Variants in FAM186B observed in about 807,000 individuals in gnomAD.
FAM186B encodes family with sequence similarity 186 member B, also known as protein FAM186B.
Under a neutral mutation model 83.4 loss-of-function variants are expected in FAM186B, and 68 were observed. That is an observed-to-expected ratio of 0.81 (90% CI 0.67 to 1.00). The LOEUF (loss-of-function observed/expected upper bound fraction) is 1.00, where lower values mean the gene tolerates loss of function less well. Ranked by LOEUF, FAM186B falls within the 50% of genes least tolerant of loss-of-function variation. The pLI, the probability that FAM186B is intolerant of heterozygous loss-of-function variation, is 0.00. For missense variants in FAM186B, 983 were observed against 1,099.2 expected, an observed-to-expected ratio of 0.89 and a Z score of 1.49; for synonymous variants, 389 against 422.0, an observed-to-expected ratio of 0.92 and a Z score of 0.96.
the FAM186B span, among the ~76,000 whole-genome samples, chr12:49,618,273 A>T: frequency 6.6e-6 from 1 of 151,834 alleles, no homozygotes; most frequent in African/African-American, 2.4e-5. Context: ...TGAACCAGGG[A>T]GTTGGAGGTT....
the FAM186B span, among the ~76,000 whole-genome samples, chr12:49,620,532 G>A: frequency 6.6e-6 from 1 of 151,964 alleles, no homozygotes; most frequent in East Asian, 1.9e-4. Context: ...AAAAGTGCAT[G>A]GAATATAACT....
At chr12:49,614,079 G>A in the FAM186B span, among the ~76,000 whole-genome samples, 1 of 151,860 alleles carries the variant, frequency 6.6e-6, no homozygotes, top group Non-Finnish European at 1.5e-5. Flanking sequence ...GAACCTGGGA[G>A]GTGGAGGTTG....
At chr12:49,610,552 A>G (rs1301469900), upstream of FAM186B, among the ~76,000 whole-genome samples, 1 of 152,184 alleles carries the variant, frequency 6.6e-6, no homozygotes, top group Admixed American at 6.5e-5. Context: ...GCACTTTGGG[A>G]GGCCGAGGCG....
intron 5 of FAM186B, chr12:49,595,320 T>G: frequency 1.6e-6 from 1 of 632,384 alleles, no homozygotes; most frequent in Admixed American, 1.9e-5. Context: ...AGGGACCATA[T>G]GACATAGTAG....
intron 6 of FAM186B, among the ~76,000 whole-genome samples, chr12:49,588,153 T>C (rs966121620): frequency 2.6e-5 from 4 of 152,208 alleles, no homozygotes; most frequent in South Asian, 2.1e-4. Flanking sequence ...GCCAAATCGA[T>C]GCTCAGGGTA....
At chr12:49,621,055 A>C in the FAM186B span, among the ~76,000 whole-genome samples, 2 of 152,226 alleles carry the variant, frequency 1.3e-5, no homozygotes, top group Non-Finnish European at 2.9e-5. Context: ...AAAAGAAAAG[A>C]AAAGCATAGA....
rs200823605 is a variant in FAM186B at position 49,598,890 on chromosome 12, G to A, written c.2229C>T (p.Ala743=). The change falls in exon 5 of 7, where the codon GCC becomes GCT. Residue 743 remains alanine, a synonymous_variant. Coordinates refer to ENST00000257894, the MANE Select transcript of FAM186B (RefSeq NM_032130.3). ...IMKETEASYK[A]QNLYIFLENI... is the part of the protein sequence containing the mutation. ...TTTCCAGGAAGATGTAGAGGTTCTG[G>A]GCCTTGTAGGAAGCCTCCGTTTCTT... 2.5e-6 allele frequency: 4 copies of A among 1,613,522 alleles called. No homozygotes were observed. Among genetic ancestry groups the A allele is most frequent in the African/African-American group, 1.3e-5 (1 of 74,738 alleles).
intron 5 of FAM186B, among the ~76,000 whole-genome samples, chr12:49,591,713 C>T (rs968471112): frequency 1.3e-5 from 2 of 152,042 alleles, no homozygotes; most frequent in African/African-American, 2.4e-5. Flanking sequence ...CCTTGCTATC[C>T]GTGGGGTATT....
In FAM186B at chr12:49,604,363, A is replaced by T; in HGVS notation, c.272T>A (p.Met91Lys). Reference sequence around the variant, plus strand: ...GTCATACAGGTGCTTCTCCTTCATCATAGCATCTTTGGAGAAGGAGGCAAT... The same window carrying T: ...GTCATACAGGTGCTTCTCCTTCATCTTAGCATCTTTGGAGAAGGAGGCAAT... Reference protein sequence around the residue: ...EKIASFSKDAMMKEKHLYDIL... With the variant: ...EKIASFSKDAKMKEKHLYDIL... Residue 91 changes from methionine (M) to lysine (K), a missense_variant, in exon 2 of 7, where the codon ATG becomes AAG. By Grantham distance (95) the Met-to-Lys change is moderately conservative. Transcript: ENST00000257894. 6.2e-6 allele frequency: 10 copies of T among 1,614,238 alleles called. No homozygotes were observed. The highest frequency in any genetic ancestry group is 8.5e-6 in the Non-Finnish European group (10 of 1,180,040).
chr12:49,618,288 T>A, the FAM186B span, among the ~76,000 whole-genome samples: 1 of 150,968 alleles, frequency 6.6e-6, no homozygotes, highest in East Asian at 1.9e-4. Flanking sequence ...GAGGTTGCAG[T>A]GAGCTGAGAT....
rs1939828074 is a variant in FAM186B at position 49,599,828 on chromosome 12, G to C, written c.1812C>G (p.Ala604=). The C allele has an allele frequency of 6.2e-7, 1 of 1,611,436 alleles. No homozygotes were observed. Among genetic ancestry groups the C allele is most frequent in the Admixed American group, 1.7e-5 (1 of 59,756 alleles). Residue 604 remains alanine, a synonymous_variant, in exon 4 of 7, where the codon GCC becomes GCG. Coordinates refer to ENST00000257894, the MANE Select transcript of FAM186B (RefSeq NM_032130.3). ...AACTCATAGGTCTCTGCTTTCCCAGGGCAGGCTGCTGGGTACTAGGAGACA... is the reference window on the plus strand; with the variant it reads ...AACTCATAGGTCTCTGCTTTCCCAGCGCAGGCTGCTGGGTACTAGGAGACA... The part of the protein sequence containing the change: ...LPMSPSTQQP[A]LGKQRPMSSV...
At chr12:49,619,094 G>A in the FAM186B span, among the ~76,000 whole-genome samples, 1 of 152,196 alleles carries the variant, frequency 6.6e-6, no homozygotes, top group Non-Finnish European at 1.5e-5. Context: ...AATTCTGAAG[G>A]AATTCATTAC....
chr12:49,588,168 G>C (rs1398560781), intron 6 of FAM186B, among the ~76,000 whole-genome samples: 2 of 152,246 alleles, frequency 1.3e-5, no homozygotes, highest in Non-Finnish European at 1.5e-5. Flanking sequence ...AGGGTAGAAA[G>C]GTTATAAGTT....
intron 3 of FAM186B, among the ~76,000 whole-genome samples, chr12:49,602,233 A>G (rs1292676516): frequency 6.6e-6 from 1 of 152,236 alleles, no homozygotes; most frequent in Non-Finnish European, 1.5e-5. Flanking sequence ...TTTACCATTC[A>G]TAAGTTTATA....
At chr12:49,598,356 T>A (rs1939775484) in intron 5 of FAM186B, among the ~76,000 whole-genome samples, 1 of 152,086 alleles carries the variant, frequency 6.6e-6, no homozygotes, top group African/African-American at 2.4e-5. Context: ...ATGACGGCTG[T>A]GCACCAAGCC....
the FAM186B span, among the ~76,000 whole-genome samples, chr12:49,611,320 C>T: frequency 5.9e-5 from 9 of 152,206 alleles, 3 homozygotes; most frequent in Admixed American, 5.2e-4. Flanking sequence ...TTGCAGTGAG[C>T]TGTGATCCCA....
At chr12:49,586,600 G>T (rs1939448097), downstream of FAM186B, among the ~76,000 whole-genome samples, 1 of 152,178 alleles carries the variant, frequency 6.6e-6, no homozygotes, top group African/African-American at 2.4e-5. Context: ...TCTCTGCCAG[G>T]CCAGGCCCCA....
upstream of FAM186B, among the ~76,000 whole-genome samples, chr12:49,607,629 ACT>A (rs1417924151): frequency 6.6e-6 from 1 of 152,070 alleles, no homozygotes; most frequent in Non-Finnish European, 1.5e-5. Context: ...TTCTATAAAA[ACT>A]CTTTCAAAAA....
At chr12:49,613,607 AG>A in the FAM186B span, among the ~76,000 whole-genome samples, 1 of 151,428 alleles carries the variant, frequency 6.6e-6, no homozygotes, top group East Asian at 1.9e-4. Context: ...TGGGAGGCTG[AG>A]GTGGGCAGAT....
Sources: gnomAD v4.1 joint callset for allele counts (sites outside exome capture counted in the v4.1 genomes callset) on GRCh38, gnomAD v4.1.1 for gene constraint, MANE v1.5 for transcripts, NCBI Gene and HGNC (gene_info 2026-07-23, HGNC 2026-07-21) for gene names.